Variants in ABHD17C observed in about 807,000 individuals in gnomAD.
The protein encoded by ABHD17C is abhydrolase domain containing 17C, depalmitoylase.
ABHD17C carries 11 observed loss-of-function variants against 27.9 expected under a neutral mutation model. The ratio of observed to expected loss-of-function variants is 0.39; its 90% CI spans 0.25 to 0.65. The LOEUF (loss-of-function observed/expected upper bound fraction) is 0.65, where lower values mean the gene tolerates loss of function less well. Ranked by LOEUF, ABHD17C falls within the 30% of genes least tolerant of loss-of-function variation. The pLI, the probability that ABHD17C is intolerant of heterozygous loss-of-function variation, is 0.45. For synonymous variants in ABHD17C, 233 were observed against 209.1 expected, an observed-to-expected ratio of 1.11 and a Z score of -0.98; for missense variants, 280 against 470.2, an observed-to-expected ratio of 0.60 and a Z score of 3.74.
At position 80,711,171 on chromosome 15, in the gene ABHD17C, C is replaced by A. The variant is rs188492034; in HGVS notation, c.590+15152C>A. ...TTCTGTGCCAAAATCACCCTGTAGG[C>A]GCTCTGCTCATCTGGCTCCGTAGCA... On this transcript the variant is annotated intron_variant, in intron 1 of 2. Transcript: ENST00000258884. Among the ~76,000 whole-genome samples, 6 of 152,292 alleles carry A rather than the reference C, an allele frequency of 3.9e-5. No individual in the cohort carries two copies. In the East Asian group the frequency reaches 9.6e-4, roughly 24 times the overall value.
At chr15:80,743,590 TGTTTTTTTGGAGACAAG>T (rs1341570147) in intron 1 of ABHD17C, among the ~76,000 whole-genome samples, 1 of 152,158 alleles carries the variant, frequency 6.6e-6, no homozygotes, top group Non-Finnish European at 1.5e-5. Flanking sequence ...TATTTTGTTT[TGTTTTTTTGGAGACAAG>T]GTCTCACTCC....
intron 1 of ABHD17C, among the ~76,000 whole-genome samples, chr15:80,714,947 C>CT (rs1235338538): frequency 6.6e-6 from 1 of 152,128 alleles, no homozygotes; most frequent in Non-Finnish European, 1.5e-5. Flanking sequence ...GGGCTAAGTG[C>CT]TAGGTATAAT....
intron 2 of ABHD17C, among the ~76,000 whole-genome samples, chr15:80,750,669 A>G (rs1262968110): frequency 1.3e-5 from 2 of 152,178 alleles, no homozygotes; most frequent in Non-Finnish European, 2.9e-5. Flanking sequence ...TGCAGTTTGT[A>G]CCAGGATTCA....
intron 1 of ABHD17C, among the ~76,000 whole-genome samples, chr15:80,719,142 A>G (rs1040266482): frequency 3.9e-5 from 6 of 152,208 alleles, no homozygotes; most frequent in African/African-American, 1.4e-4. Flanking sequence ...TATGCAGACA[A>G]TGTAACGAGT....
intron 2 of ABHD17C, among the ~76,000 whole-genome samples, chr15:80,752,850 G>C (rs1596075855): frequency 6.6e-6 from 1 of 152,116 alleles, no homozygotes; most frequent in Non-Finnish European, 1.5e-5. Context: ...AAAGTCTTTT[G>C]GATTCCTCTT....
chr15:80,710,438 G>C (rs952857603), intron 1 of ABHD17C, among the ~76,000 whole-genome samples: 1 of 152,178 alleles, frequency 6.6e-6, no homozygotes, highest in African/African-American at 2.4e-5. Flanking sequence ...CTTAGGTTTT[G>C]GAAGGATCAC....
In ABHD17C at chr15:80,726,598, G is replaced by GCC. The variant is rs149056442; in HGVS notation, c.591-22909_591-22908dup. On this transcript the variant is annotated intron_variant, in intron 1 of 2. Transcript: ENST00000258884. ...GAGATCTTGGCTCACTGCAAGCTCC[G>GCC]CCCCCCCGCGTTCACACCATTCTCC... Among the ~76,000 whole-genome samples, 39 of 141,012 alleles carry GCC rather than the reference G, an allele frequency of 2.8e-4. 1 individual carries two copies. Among genetic ancestry groups the GCC allele is most frequent in the East Asian group, 2.1e-3 (10 of 4,662 alleles). The allele number at this position is 141,012 out of a possible 152,430, so 92.5% of individuals were successfully genotyped here. A position where few individuals can be genotyped will look rare whatever the true frequency, so the allele number is the denominator to read the frequency against.
intron 1 of ABHD17C, among the ~76,000 whole-genome samples, chr15:80,730,445 C>G (rs1444977463): frequency 1.3e-5 from 2 of 152,208 alleles, no homozygotes; most frequent in Non-Finnish European, 1.5e-5. Context: ...TTGTCATAGT[C>G]TGAATTTTTT....
At chr15:80,702,785 T>A (rs937467262) in intron 1 of ABHD17C, 54 of 152,108 alleles carry the variant, frequency 3.6e-4, no homozygotes, top group Non-Finnish European at 1.3e-4. Flanking sequence ...GAATCCAGAG[T>A]CTCAACATAT....
At chr15:80,718,792 G>C (rs1265277860) in intron 1 of ABHD17C, among the ~76,000 whole-genome samples, 2 of 152,132 alleles carry the variant, frequency 1.3e-5, no homozygotes, top group African/African-American at 4.8e-5. Context: ...CAATAGAGTG[G>C]CGTCATTTTG....
intron 1 of ABHD17C, among the ~76,000 whole-genome samples, chr15:80,701,565 C>T (rs1894572323): frequency 6.6e-6 from 1 of 151,634 alleles, no homozygotes; most frequent in African/African-American, 2.4e-5. Context: ...TATAATCCCA[C>T]CTACTCAAGA....
chr15:80,708,632 A>G (rs1225762787), intron 1 of ABHD17C, among the ~76,000 whole-genome samples: 1 of 152,170 alleles, frequency 6.6e-6, no homozygotes, highest in Admixed American at 6.5e-5. Flanking sequence ...TTAAGCCTGA[A>G]TACTCCAGTA....
intron 2 of ABHD17C, among the ~76,000 whole-genome samples, chr15:80,750,811 T>C (rs1596075167): frequency 6.6e-6 from 1 of 152,070 alleles, no homozygotes; most frequent in Admixed American, 6.5e-5. Flanking sequence ...GCCAGTTTGC[T>C]GAAAGACGGA....
At chr15:80,717,951 C>G (rs1297716075) in intron 1 of ABHD17C, among the ~76,000 whole-genome samples, 1 of 152,134 alleles carries the variant, frequency 6.6e-6, no homozygotes, top group Non-Finnish European at 1.5e-5. Flanking sequence ...GCTGGTAGCC[C>G]CATCATCATG....
chr15:80,736,623 C>T (rs923982243), intron 1 of ABHD17C, among the ~76,000 whole-genome samples: 2 of 152,156 alleles, frequency 1.3e-5, no homozygotes, highest in Admixed American at 6.5e-5. Context: ...ATTCACGTTA[C>T]CTTGTGTATT....
intron 1 of ABHD17C, among the ~76,000 whole-genome samples, chr15:80,749,184 A>G (rs1895332062): frequency 6.6e-6 from 1 of 152,076 alleles, no homozygotes; most frequent in Non-Finnish European, 1.5e-5. Context: ...ATAAAGGGGG[A>G]ATAATAGGAA....
chr15:80,705,840 A>G (rs916727273), intron 1 of ABHD17C, among the ~76,000 whole-genome samples: 3 of 152,178 alleles, frequency 2.0e-5, no homozygotes, highest in Non-Finnish European at 4.4e-5. Context: ...TAAATCTGAT[A>G]GCATTTCATC....
At chr15:80,737,683 A>G (rs1204474479) in intron 1 of ABHD17C, among the ~76,000 whole-genome samples, 1 of 152,172 alleles carries the variant, frequency 6.6e-6, no homozygotes, top group East Asian at 1.9e-4. Context: ...ATGTCTGTAG[A>G]CTGGAGGAGT....
chr15:80,724,346 CA>C lies in ABHD17C; in HGVS notation c.591-25159del, dbSNP rs1224933041. 4.0e-5 allele frequency among the ~76,000 whole-genome samples: 6 copies of C among 151,392 alleles called. No homozygotes were observed. The East Asian group carries it at 5.8e-4, about 15-fold the overall frequency. ...CTGTCTCCTCCTTCCCCGTCCCCTC[CA>C]AAAAAAACCCCTTATCATTTGTGAT... On this transcript the variant is annotated intron_variant, in intron 1 of 2. Coordinates refer to ENST00000258884, the MANE Select transcript of ABHD17C (RefSeq NM_021214.2).
Sources: gnomAD v4.1 joint callset for allele counts (sites outside exome capture counted in the v4.1 genomes callset) on GRCh38, gnomAD v4.1.1 for gene constraint, MANE v1.5 for transcripts, NCBI Gene and HGNC (gene_info 2026-07-23, HGNC 2026-07-21) for gene names.